Variants in ARHGEF18 observed in about 807,000 individuals in gnomAD.
The protein encoded by ARHGEF18 is Rho/Rac guanine nucleotide exchange factor 18, also known as rho guanine nucleotide exchange factor 18.
A neutral mutation model predicts 155.7 loss-of-function variants in ARHGEF18; 93 were observed. The observed-to-expected ratio is 0.60, with a 90% confidence interval of 0.50 to 0.71. The LOEUF is 0.71. Among genes scored for constraint, ARHGEF18 ranks in the 30% least tolerant of loss-of-function variants. The probability of loss-of-function intolerance (pLI) is 0.00; values close to 1 mark genes in which losing one functional copy is unlikely to be tolerated. For synonymous variants in ARHGEF18, 742 were observed against 753.1 expected (o/e 0.99, Z 0.24); for missense variants, 1,593 against 1,816.1 (o/e 0.88, Z 2.23).
At chr19:7,430,833 A>G (rs1336128284) in intron 10 of ARHGEF18, among the ~76,000 whole-genome samples, 1 of 152,052 alleles carries the variant, frequency 6.6e-6, no homozygotes, top group Non-Finnish European at 1.5e-5. Flanking sequence ...AAATAGAACA[A>G]TAATGCCCAC....
In ARHGEF18 at chr19:7,469,906, T is replaced by C. The variant is rs1307278258; in HGVS notation, c.3790T>C (p.Ser1264Pro). 2 of 1,612,574 alleles carry C rather than the reference T, an allele frequency of 1.2e-6. No individual in the cohort carries two copies. Among genetic ancestry groups the C allele is most frequent in the Non-Finnish European group, 1.7e-6 (2 of 1,179,780 alleles). The change falls in exon 28 of 29, where the codon TCC (serine) becomes CCC (proline). Residue 1264 changes from serine to proline, a missense_variant and splice_region_variant. Transcript: ENST00000668164. Reference sequence around the variant, plus strand: ...CCCAAATACCTTCTCTCTTCCAGCGTCCTTCGACCTGAAGCAGCAGCTGCT... The same window carrying C: ...CCCAAATACCTTCTCTCTTCCAGCGCCCTTCGACCTGAAGCAGCAGCTGCT... ...RGSQRWESSA[S>P]FDLKQQLLLN...
intron 7 of ARHGEF18, 110 bp downstream of exon 7, chr19:7,379,276 G>C: frequency 1.9e-6 from 2 of 1,036,872 alleles, no homozygotes; most frequent in Non-Finnish European, 2.4e-6. Context: ...GACTGGGTGA[G>C]GGCTGGGTAC....
At chr19:7,385,764 C>A (rs1371092297) in intron 10 of ARHGEF18, among the ~76,000 whole-genome samples, 1 of 151,360 alleles carries the variant, frequency 6.6e-6, no homozygotes, top group South Asian at 2.1e-4. Context: ...GCGTGAGCCA[C>A]CGCGCCTGGC....
rs965666634 is a variant in ARHGEF18, at chr19:7,466,804, C to CAAAAA, written c.2905-96_2905-92dup. ...GGGCAACAAGAGCAGAATTCCGTCT[C>CAAAAA]AAAAAAAAAAAAAAAAAAAAAAGTT... On this transcript the variant is annotated intron_variant, in intron 23 of 28. Transcript: ENST00000668164. 2,689 of 493,610 alleles carry CAAAAA rather than the reference C, an allele frequency of 5.4e-3. 32 individuals carry two copies. Among genetic ancestry groups the CAAAAA allele is most frequent in the African/African-American group, 0.03 (690 of 23,062 alleles). The allele number at this position is 493,610 out of a possible 1,614,324, so 30.6% of individuals were successfully genotyped here. A position where few individuals can be genotyped will look rare whatever the true frequency, so the allele number is the denominator to read the frequency against.
intron 1 of ARHGEF18, among the ~76,000 whole-genome samples, chr19:7,356,225 C>T (rs1359823513): frequency 6.6e-6 from 1 of 151,778 alleles, no homozygotes; most frequent in Non-Finnish European, 1.5e-5. Context: ...TTTATTATGT[C>T]ATCAAAGGCC....
At chr19:7,452,398 A>G (rs1021314255) in intron 16 of ARHGEF18, among the ~76,000 whole-genome samples, 1 of 152,196 alleles carries the variant, frequency 6.6e-6, no homozygotes, top group African/African-American at 2.4e-5. Flanking sequence ...TAAAAGCCAC[A>G]TCCTTGGAGT....
intron 10 of ARHGEF18, among the ~76,000 whole-genome samples, chr19:7,420,739 G>T (rs1206313308): frequency 1.3e-5 from 2 of 152,204 alleles, no homozygotes; most frequent in African/African-American, 4.8e-5. Flanking sequence ...GGAACAAACA[G>T]TAATGGCTCT....
At chr19:7,363,947 TA>T (rs1858556467) in intron 2 of ARHGEF18, among the ~76,000 whole-genome samples, 1 of 144,258 alleles carries the variant, frequency 6.9e-6, no homozygotes. Context: ...GAAGGAAGGA[TA>T]GATAAATAAT....
intron 10 of ARHGEF18, among the ~76,000 whole-genome samples, chr19:7,427,083 C>T (rs1389931779): frequency 5.3e-5 from 8 of 152,106 alleles, no homozygotes; most frequent in Non-Finnish European, 1.2e-4. Flanking sequence ...AACCCAGAAC[C>T]CCCACTGCAG....
intron 10 of ARHGEF18, chr19:7,392,604 A>T (rs1971466595): frequency 6.6e-6 from 1 of 151,120 alleles, no homozygotes; most frequent in African/African-American, 2.4e-5. Flanking sequence ...TAATTCCAGC[A>T]CTCGGGAGGC....
intron 17 of ARHGEF18, among the ~76,000 whole-genome samples, chr19:7,455,954 C>T (rs867949490): frequency 1.7e-4 from 26 of 152,252 alleles, no homozygotes; most frequent in African/African-American, 5.1e-4. Context: ...CCTCTTACAG[C>T]ACGTGGGAAT....
At chr19:7,413,411 C>T (rs918704096) in intron 10 of ARHGEF18, among the ~76,000 whole-genome samples, 2 of 151,694 alleles carry the variant, frequency 1.3e-5, no homozygotes, top group African/African-American at 4.8e-5. Flanking sequence ...ACGCCATTCT[C>T]CTGCCTCAGC....
chr19:7,478,394 G>C, the ARHGEF18 span: 1 of 1,602,534 alleles, frequency 6.2e-7, no homozygotes, highest in Non-Finnish European at 8.5e-7. Flanking sequence ...ACCAGAGCCC[G>C]AGGGAGGATG....
chr19:7,385,600 C>T lies in ARHGEF18; in HGVS notation c.967+2397C>T, dbSNP rs780406223. ...AAGCGATTCTCCTGCCCCAGCCTCC[C>T]GAGTAGCGGGGATTACAGGTGCCCA... On this transcript the variant is annotated intron_variant, in intron 10 of 28. Coordinates refer to ENST00000668164, the MANE Select transcript of ARHGEF18 (RefSeq NM_001367823.1). Among the ~76,000 whole-genome samples the T allele has an allele frequency of 1.9e-4, 29 of 151,464 alleles. No individual in the cohort carries two copies. The East Asian group carries it at 2.5e-3, about 13-fold the overall frequency.
chr19:7,460,923 G>A (rs768528841), intron 20 of ARHGEF18, among the ~76,000 whole-genome samples: 188 of 151,578 alleles, frequency 1.2e-3, no homozygotes, highest in Non-Finnish European at 1.7e-3. Flanking sequence ...CGAGTAGCTG[G>A]GACTATAGGC....
chr19:7,364,737 T>C (rs1441285990), intron 2 of ARHGEF18, among the ~76,000 whole-genome samples: 1 of 152,008 alleles, frequency 6.6e-6, no homozygotes, highest in Non-Finnish European at 1.5e-5. Context: ...GAAGGTCTCC[T>C]GGGGTGGAAG....
chr19:7,409,702 A>G (rs988361567), intron 10 of ARHGEF18, among the ~76,000 whole-genome samples: 1 of 151,508 alleles, frequency 6.6e-6, no homozygotes, highest in Non-Finnish European at 1.5e-5. Context: ...TCGGCCTCCC[A>G]GAGTGTTGGG....
At chr19:7,358,420 C>A (rs1055612576) in intron 1 of ARHGEF18, among the ~76,000 whole-genome samples, 1 of 151,962 alleles carries the variant, frequency 6.6e-6, no homozygotes, top group East Asian at 1.9e-4. Context: ...ATCCATCTAC[C>A]TGTCCAACCA....
chr19:7,451,951 G>A (rs1390354213), intron 16 of ARHGEF18, among the ~76,000 whole-genome samples: 1 of 151,850 alleles, frequency 6.6e-6, no homozygotes, highest in Non-Finnish European at 1.5e-5. Context: ...TAAACTCCTG[G>A]CCTCAAATGA....
Sources: gnomAD v4.1 joint callset for allele counts (sites outside exome capture counted in the v4.1 genomes callset) on GRCh38, gnomAD v4.1.1 for gene constraint, MANE v1.5 for transcripts, NCBI Gene and HGNC (gene_info 2026-07-23, HGNC 2026-07-21) for gene names.